Variants in ITGA10 observed in about 807,000 individuals in gnomAD.
ITGA10 encodes integrin alpha-10.
ITGA10 carries 105 observed loss-of-function variants against 145.2 expected under a neutral mutation model. The observed-to-expected ratio is 0.72, with a 90% CI of 0.62 to 0.85. The LOEUF is 0.85. Among genes scored for constraint, ITGA10 ranks in the 40% least tolerant of loss-of-function variants. The pLI is 0.00. For synonymous variants in ITGA10, 506 were observed against 557.8 expected (o/e 0.91, Z 1.31); for missense variants, 1,317 against 1,444.5 (o/e 0.91, Z 1.43).
chr1:145,902,705 G>A, intron 8 of ITGA10, 86 bp from the exon 9 acceptor site: 3 of 1,537,174 alleles, frequency 2.0e-6, no homozygotes, highest in Non-Finnish European at 2.6e-6. Context: ...AGTCTGGGAA[G>A]TAGTTAATGC....
chr1:145,893,237 A>T lies in ITGA10; in HGVS notation c.3362T>A (p.Ile1121Asn). 6.2e-7 allele frequency: 1 copy of T among 1,614,160 alleles called. No homozygotes were observed. The highest frequency in any genetic ancestry group is 8.5e-7 in the Non-Finnish European group (1 of 1,180,000). The change falls in exon 29 of 30, where the codon ATC (isoleucine) becomes AAC (asparagine). Residue 1121 changes from isoleucine to asparagine, a missense_variant. Physicochemically the swap from Ile to Asn is moderately radical, Grantham distance 149. Coordinates refer to ENST00000369304, the MANE Select transcript of ITGA10 (RefSeq NM_003637.5). Reference protein sequence around the residue: ...LEVVQTRPILISLWILIGSVL... With the variant: ...LEVVQTRPILNSLWILIGSVL... The stretch of plus-strand genomic sequence containing the variant: ...ACTGCCTATGAGGATCCACAGGGAG[A>T]TGAGGATAGGCCGGGTCTGAACCAC...
At position 145,901,943 on chromosome 1, in the gene ITGA10, A is replaced by G. The variant is rs1570887169; in HGVS notation, c.1228T>C (p.Phe410Leu). Residue 410 changes from phenylalanine to leucine, a missense_variant, in exon 11 of 30, where the codon TTC (phenylalanine) becomes CTC (leucine). Phe to Leu is a conservative substitution (Grantham distance 22, BLOSUM62 0). Transcript: ENST00000369304. This position sits in a 1 kb window ranked among gnomAD's most constrained non-coding sequence, Gnocchi z 4.3. The part of the protein sequence containing the change: ...VLWLEGGHRL[F>L]PPRMALEDEF... Reference sequence around the variant, plus strand: ...TCTTCCAGTGCCATTCGTGGGGGGAAAAGGCGGTGGCCTCCTTCAAGCCAT... The same window carrying G: ...TCTTCCAGTGCCATTCGTGGGGGGAGAAGGCGGTGGCCTCCTTCAAGCCAT... 2 of 1,614,158 alleles carry G rather than the reference A, an allele frequency of 1.2e-6. No individual in the cohort carries two copies. Among genetic ancestry groups the G allele is most frequent in the East Asian group, 2.2e-5 (1 of 44,880 alleles).
Position 145,892,273 on chromosome 1 carries a change from TC to T in ITGA10, c.*524del. 1 of 153,512 alleles carries T rather than the reference TC, an allele frequency of 6.5e-6. No individual in the cohort carries two copies. Among genetic ancestry groups the T allele is most frequent in the Non-Finnish European group, 1.5e-5 (1 of 68,720 alleles). 9.5% of individuals were successfully genotyped at this position (153,512 alleles called of 1,614,324 possible). A position where few individuals can be genotyped will look rare whatever the true frequency, so the allele number is the denominator to read the frequency against. On this transcript the variant is annotated 3_prime_UTR_variant, in exon 30 of 30. Coordinates refer to ENST00000369304, the MANE Select transcript of ITGA10 (RefSeq NM_003637.5). ...CTCCCTCCTTTTTTCCTGTTGACTCTCCCCATCCGGCTCTATGAATCACCAG... is the reference window on the plus strand; with the variant it reads ...CTCCCTCCTTTTTTCCTGTTGACTCTCCCATCCGGCTCTATGAATCACCAG...
intron 15 of ITGA10, 49 bp from the exon 16 acceptor site, chr1:145,899,390 T>C (rs1655910983): frequency 6.3e-7 from 1 of 1,586,766 alleles, no homozygotes; most frequent in Admixed American, 1.7e-5. Flanking sequence ...GTAAGCCCTC[T>C]GAGAAGTGCA....
chr1:145,900,692 G>A lies in ITGA10; in HGVS notation c.1791+98C>T, dbSNP rs1553747713. 3.1e-6 allele frequency: 4 copies of A among 1,289,542 alleles called. No homozygotes were observed. In the African/African-American group the frequency reaches 4.4e-5, roughly 14 times the overall value. The allele number at this position is 1,289,542 out of a possible 1,614,324, so 79.9% of individuals were successfully genotyped here. Reference sequence around the variant, plus strand: ...GCCTACTAATAAAAGCACTTGTTCAGTTTGGGTCTCAAGCCAAGGAGACTA... The same window carrying A: ...GCCTACTAATAAAAGCACTTGTTCAATTTGGGTCTCAAGCCAAGGAGACTA... On this transcript the variant is annotated intron_variant, in intron 14 of 29. Transcript: ENST00000369304.
At chr1:145,905,542 G>GT (rs1657019782) in intron 5 of ITGA10, among the ~76,000 whole-genome samples, 1 of 151,818 alleles carries the variant, frequency 6.6e-6, no homozygotes, top group African/African-American at 2.4e-5. Flanking sequence ...GCCTCCCAAA[G>GT]TGCTGGGATT....
rs370406602 is a variant in ITGA10 at position 145,907,468 on chromosome 1, G to T, written c.53-3C>A. ...CAGGTTAAAGGGGGAGCAGAGACCT[G>T]TGGGGTCAGGATCATAATGTTAGTA... On this transcript the variant is annotated splice_polypyrimidine_tract_variant and splice_region_variant and intron_variant, in intron 1 of 29. Coordinates refer to ENST00000369304, the MANE Select transcript of ITGA10 (RefSeq NM_003637.5). 9.3e-6 allele frequency: 15 copies of T among 1,613,998 alleles called. No individual in the cohort carries two copies. In the African/African-American group the frequency reaches 1.9e-4, roughly 20 times the overall value.
chr1:145,909,062 G>C (rs1361055399), intron 1 of ITGA10, among the ~76,000 whole-genome samples: 1 of 151,934 alleles, frequency 6.6e-6, no homozygotes, highest in Non-Finnish European at 1.5e-5. Context: ...CGGCACTTTG[G>C]GTGGCTGTCG....
In ITGA10 at chr1:145,901,525, C is replaced by A; in HGVS notation, c.1434G>T (p.Gln478His). The A allele has an allele frequency of 6.3e-7, 1 of 1,575,582 alleles. No homozygotes were observed. The highest frequency in any genetic ancestry group is 8.6e-7 in the Non-Finnish European group (1 of 1,163,840). The change falls in exon 12 of 30, where the codon CAG becomes CAT. Residue 478 changes from glutamine (Q) to histidine (H), a missense_variant. By Grantham distance (24) the Gln-to-His change is conservative. Transcript: ENST00000369304. The surrounding 1 kb of genome is among the most constrained non-coding windows in gnomAD (Gnocchi z 4.3). ...TCCTTGGATGCCCTACCTGCTCCCC[C>A]TGGAGGCTCTGGGCAACCCTCACAG... ...DGAVRVAQSL[Q>H]GEQIGSYFGS...
rs782473890 is a variant in ITGA10, at chr1:145,907,503, GA to G, written c.53-39del. ...GATCATAATGTTAGTATGAGGTAGTGAATGGCTAGAGGCACAGCCCGAGAGA... is the reference window on the plus strand; with the variant it reads ...GATCATAATGTTAGTATGAGGTAGTGATGGCTAGAGGCACAGCCCGAGAGA... On this transcript the variant is annotated intron_variant, in intron 1 of 29. Coordinates refer to ENST00000369304, the MANE Select transcript of ITGA10 (RefSeq NM_003637.5). 8 of 1,612,574 alleles carry G rather than the reference GA, an allele frequency of 5.0e-6. No homozygotes were observed. In the African/African-American group the frequency reaches 1.1e-4, roughly 22 times the overall value.
intron 1 of ITGA10, among the ~76,000 whole-genome samples, chr1:145,909,507 ATATATTATATG>A (rs1657587895): frequency 7.5e-6 from 1 of 134,088 alleles, no homozygotes; most frequent in Admixed American, 7.9e-5. Flanking sequence ...TAATTATGTT[ATATATTATATG>A]TATATTATAT....
rs1224175522 is a variant in ITGA10 at position 145,906,797 on chromosome 1, T to A, written c.302A>T (p.His101Leu). The change falls in exon 4 of 30, where the codon CAT becomes CTT. Residue 101 changes from histidine (H) to leucine (L), a missense_variant. Physicochemically the swap from His to Leu is moderately conservative, Grantham distance 99. Transcript: ENST00000369304. ...CCCCAGGTGCATATTCACAGCAGGA[T>A]GAGATGAATTTCCCAGTTGGTAGTC... is the stretch of plus-strand genomic sequence containing the variant. ...LGDYQLGNSS[H>L]PAVNMHLGMS... The A allele has an allele frequency of 6.2e-7, 1 of 1,613,496 alleles. No individual in the cohort carries two copies. Among genetic ancestry groups the A allele is most frequent in the African/African-American group, 1.3e-5 (1 of 74,938 alleles).
intron 22 of ITGA10, 30 bp downstream of exon 22, chr1:145,896,981 G>T: frequency 6.3e-7 from 1 of 1,592,412 alleles, no homozygotes; most frequent in Non-Finnish European, 8.6e-7. Flanking sequence ...TAGGAGGAGA[G>T]GTCTGGAAGA....
rs1657152473 is a variant in ITGA10, at chr1:145,906,461, A to G, written c.414T>C (p.Ser138=). The change falls in exon 5 of 30, where the codon AGT becomes AGC. Residue 138 remains serine (S), a synonymous_variant. Transcript: ENST00000369304. The stretch of plus-strand genomic sequence containing the variant: ...CATCCACACGGGCACATATCCCAGA[A>G]CTGAAGACAGAGCTGCCACAAGCAC... ...WSRACGSSVF[S]SGICARVDAS... The G allele has an allele frequency of 2.5e-6, 4 of 1,614,112 alleles. No individual in the cohort carries two copies. Among genetic ancestry groups the G allele is most frequent in the Non-Finnish European group, 3.4e-6 (4 of 1,180,012 alleles).
chr1:145,907,703 T>A (rs1164939202), intron 1 of ITGA10: 1 of 479,892 alleles, frequency 2.1e-6, no homozygotes, highest in African/African-American at 2.1e-5. Context: ...TACAGCTGTA[T>A]TTCCATTCCC....
At chr1:145,895,791 C>A in intron 25 of ITGA10, 80 bp from the exon 26 acceptor site, 1 of 1,275,850 alleles carries the variant, frequency 7.8e-7, no homozygotes, top group South Asian at 1.2e-5. Flanking sequence ...CATACCTACA[C>A]CCTTGTAGTT....
chr1:145,898,972 C>A lies in ITGA10; in HGVS notation c.2196G>T (p.Gly732=). 1 of 1,614,152 alleles carries A rather than the reference C, an allele frequency of 6.2e-7. No homozygotes were observed. ...AGTGTAGCTGCTCACAAGTGACATTCCCCACACTGAGCCGGAGCCTCCGAG... is the reference window on the plus strand; with the variant it reads ...AGTGTAGCTGCTCACAAGTGACATTACCCACACTGAGCCGGAGCCTCCGAG... ...LSPRRLRLSV[G]NVTCEQLHFH... is the part of the protein sequence containing the mutation. The change falls in exon 17 of 30, where the codon GGG becomes GGT. Residue 732 remains glycine, a synonymous_variant. Coordinates refer to ENST00000369304, the MANE Select transcript of ITGA10 (RefSeq NM_003637.5).
In ITGA10 at chr1:145,902,303, G is replaced by A. The variant is rs782764956; in HGVS notation, c.1092C>T (p.Asn364=). Residue 364 remains asparagine, a synonymous_variant, in exon 10 of 30, where the codon AAC becomes AAT. Transcript: ENST00000369304. ...ACATTTCCAGCCCAAAGGAGCTTTCGTTTTCTGCATGGGACCCTTGGTCAT... is the reference window on the plus strand; with the variant it reads ...ACATTTCCAGCCCAAAGGAGCTTTCATTTTCTGCATGGGACCCTTGGTCAT... ...IFGLEGSHAE[N]ESSFGLEMSQ... 2.3e-5 allele frequency: 37 copies of A among 1,614,014 alleles called. No homozygotes were observed. Among genetic ancestry groups the A allele is most frequent in the East Asian group, 1.6e-4 (7 of 44,896 alleles).
intron 2 of ITGA10, 27 bp downstream of exon 2, chr1:145,907,327 C>A: frequency 6.2e-7 from 1 of 1,614,164 alleles, no homozygotes; most frequent in South Asian, 1.1e-5. Context: ...CAGTCCCAAT[C>A]CCCTGGCACT....
Sources: allele counts gnomAD v4.1 joint callset (sites outside exome capture counted in the v4.1 genomes callset), GRCh38; gene constraint gnomAD v4.1.1; non-coding constraint Gnocchi (gnomAD v3.1); transcripts MANE v1.5; gene names NCBI Gene and HGNC (gene_info 2026-07-23, HGNC 2026-07-21).